Variants in NDUFA5 observed in about 807,000 individuals in gnomAD.
NDUFA5 encodes NADH:ubiquinone oxidoreductase subunit A5.
In NDUFA5, 11 loss-of-function variants were observed where a neutral mutation model predicts 19.8. The ratio of observed to expected loss-of-function variants is 0.56; its 90% CI spans 0.35 to 0.92. The LOEUF is 0.92. Among genes scored for constraint, NDUFA5 ranks in the 40% least tolerant of loss-of-function variants. The pLI is 0.01. For missense variants in NDUFA5, 109 were observed against 134.2 expected (o/e 0.81, Z 0.93); for synonymous variants, 47 against 46.8 (o/e 1.00, Z -0.01).
chr7:123,585,576 G>C, the NDUFA5 span, among the ~76,000 whole-genome samples: 1 of 151,610 alleles, frequency 6.6e-6, no homozygotes, highest in Admixed American at 6.6e-5. Context: ...TTTACACATT[G>C]TGAAATGATT....
Position 123,545,647 on chromosome 7 carries a change from T to G in NDUFA5, c.213A>C (p.Gln71His), listed in dbSNP as rs1272288227. The G allele has an allele frequency of 1.9e-6, 3 of 1,610,296 alleles. No homozygotes were observed. The highest frequency in any genetic ancestry group is 2.7e-5 in the African/African-American group (2 of 74,794). Residue 71 changes from glutamine (Q) to histidine (H), a missense_variant, in exon 4 of 5, where the codon CAA becomes CAC. Transcript: ENST00000355749. ...AEPDVKKLEDQLQGGQLEEVI... is the reference protein window; with the variant it reads ...AEPDVKKLEDHLQGGQLEEVI... ...CCTCTTCTAATTGACCGCCTTGAAGTTGGTCTTCTAATTTTTTAACATCTG... is the reference window on the plus strand; with the variant it reads ...CCTCTTCTAATTGACCGCCTTGAAGGTGGTCTTCTAATTTTTTAACATCTG...
chr7:123,564,470 TC>T, the NDUFA5 span, among the ~76,000 whole-genome samples: 1 of 152,106 alleles, frequency 6.6e-6, no homozygotes, highest in African/African-American at 2.4e-5. Flanking sequence ...TAGTCAGGGT[TC>T]CCCAGAGAAA....
intron 3 of NDUFA5, among the ~76,000 whole-genome samples, chr7:123,548,533 G>A (rs1250260351): frequency 6.6e-6 from 1 of 152,118 alleles, no homozygotes; most frequent in African/African-American, 2.4e-5. Flanking sequence ...AGGCATTCCA[G>A]GAAATGAGAA....
Position 123,539,066 on chromosome 7 carries a change from T to C in NDUFA5, c.*3053A>G, listed in dbSNP as rs1413989364. ...GGGAGAATGAGGGAGAGTGAAAGGA[T>C]ACAATAAAACTTGAGGCCTGATTGC... On this transcript the variant is annotated 3_prime_UTR_variant, in exon 5 of 5. Coordinates refer to ENST00000355749, the MANE Select transcript of NDUFA5 (RefSeq NM_005000.5). The C allele has an allele frequency of 6.6e-6, 1 of 152,180 alleles. No homozygotes were observed. The highest frequency in any genetic ancestry group is 2.4e-5 in the African/African-American group (1 of 41,440). The allele number at this position is 152,180 out of a possible 1,614,324, so 9.4% of individuals were successfully genotyped here. A position where few individuals can be genotyped will look rare whatever the true frequency, so the allele number is the denominator to read the frequency against.
chr7:123,600,942 G>A, the NDUFA5 span, among the ~76,000 whole-genome samples: 2 of 152,090 alleles, frequency 1.3e-5, no homozygotes, highest in East Asian at 3.9e-4. Context: ...ATCACTGGCA[G>A]CAAATCCAAT....
chr7:123,584,694 A>T, the NDUFA5 span, among the ~76,000 whole-genome samples: 1 of 152,016 alleles, frequency 6.6e-6, no homozygotes, highest in Non-Finnish European at 1.5e-5. Context: ...AAAGACTGTT[A>T]GCTTTCAATG....
the NDUFA5 span, among the ~76,000 whole-genome samples, chr7:123,597,321 A>G: frequency 2.0e-5 from 3 of 152,214 alleles, no homozygotes; most frequent in African/African-American, 4.8e-5. Flanking sequence ...TTTGTGTTCA[A>G]GGAACCTTTA....
At chr7:123,572,398 G>A in the NDUFA5 span, among the ~76,000 whole-genome samples, 25 of 151,560 alleles carry the variant, frequency 1.6e-4, no homozygotes, top group African/African-American at 4.8e-4. Flanking sequence ...CTCAGCCTCC[G>A]AAAGTACTGG....
intron 3 of NDUFA5, among the ~76,000 whole-genome samples, chr7:123,547,974 G>C (rs1196869856): frequency 6.6e-6 from 1 of 151,918 alleles, no homozygotes; most frequent in Non-Finnish European, 1.5e-5. Context: ...ATGAAATTGA[G>C]ACCGAGAAAA....
the NDUFA5 span, among the ~76,000 whole-genome samples, chr7:123,597,838 A>C: frequency 6.6e-6 from 1 of 152,108 alleles, no homozygotes; most frequent in East Asian, 1.9e-4. Flanking sequence ...CTGAAAAAAA[A>C]ATAATCCTTC....
At chr7:123,570,837 T>C in the NDUFA5 span, among the ~76,000 whole-genome samples, 1 of 152,126 alleles carries the variant, frequency 6.6e-6, no homozygotes, top group Admixed American at 6.5e-5. Flanking sequence ...TCTAACAAAT[T>C]TACCTGTCCA....
At chr7:123,586,380 G>GA in the NDUFA5 span, among the ~76,000 whole-genome samples, 2 of 151,636 alleles carry the variant, frequency 1.3e-5, no homozygotes, top group Non-Finnish European at 3.0e-5. Context: ...ATCTTCTTTA[G>GA]AAAAAATGTC....
the NDUFA5 span, among the ~76,000 whole-genome samples, chr7:123,588,955 TA>T: frequency 4.6e-5 from 7 of 151,936 alleles, no homozygotes; most frequent in African/African-American, 9.7e-5. Context: ...TCAATCTAGT[TA>T]AATTTCTTAA....
chr7:123,558,406 A>G (rs1343008324), upstream of NDUFA5, among the ~76,000 whole-genome samples: 1 of 152,180 alleles, frequency 6.6e-6, no homozygotes, highest in Non-Finnish European at 1.5e-5. Context: ...TCCTACCTCC[A>G]CAAACACTGA....
the NDUFA5 span, among the ~76,000 whole-genome samples, chr7:123,596,817 T>C: frequency 6.6e-6 from 1 of 152,190 alleles, no homozygotes. Context: ...CAAATGCACA[T>C]GAAAAGATCA....
intron 2 of NDUFA5, among the ~76,000 whole-genome samples, chr7:123,552,636 T>TAAAAAAAAAAAAA (rs774901648): frequency 1.5e-5 from 1 of 67,412 alleles, no homozygotes; most frequent in African/African-American, 5.4e-5. Context: ...AAAGTATAAC[T>TAAAAAAAAAAAAA]AAAAAAAAAA....
At chr7:123,574,301 C>G in the NDUFA5 span, among the ~76,000 whole-genome samples, 1 of 151,634 alleles carries the variant, frequency 6.6e-6, no homozygotes, top group African/African-American at 2.4e-5. Flanking sequence ...TTCTAAGCAT[C>G]TGTTTAGCCC....
At chr7:123,560,930 AAATT>A (rs1199350839), upstream of NDUFA5, among the ~76,000 whole-genome samples, 8 of 152,274 alleles carry the variant, frequency 5.3e-5, no homozygotes, top group Admixed American at 3.3e-4. Context: ...ATCTGAAAAT[AAATT>A]AAGAAAACAA....
At chr7:123,554,495 A>G (rs1403989348) in intron 2 of NDUFA5, among the ~76,000 whole-genome samples, 1 of 151,992 alleles carries the variant, frequency 6.6e-6, no homozygotes, top group African/African-American at 2.4e-5. Context: ...TAAACAATTT[A>G]TAAGTTTTAA....
Sources: gnomAD v4.1 joint callset for allele counts (sites outside exome capture counted in the v4.1 genomes callset) on GRCh38, gnomAD v4.1.1 for gene constraint, MANE v1.5 for transcripts, NCBI Gene and HGNC (gene_info 2026-07-23, HGNC 2026-07-21) for gene names.